Variants in CCSER1 observed in about 807,000 individuals in gnomAD.
CCSER1 encodes the protein coiled-coil serine rich protein 1, also known as serine-rich coiled-coil domain-containing protein 1.
Under a neutral mutation model 82.0 loss-of-function variants are expected in CCSER1, and 41 were observed. The observed-to-expected ratio is 0.50, with a 90% CI of 0.39 to 0.65. The LOEUF (loss-of-function observed/expected upper bound fraction) is 0.65. Ranked by LOEUF, CCSER1 falls within the 30% of genes least tolerant of loss-of-function variation. The pLI is 0.00. For synonymous variants in CCSER1, 414 were observed against 383.9 expected (o/e 1.08, Z -0.92); for missense variants, 1,119 against 1,064.2 (o/e 1.05, Z -0.72).
At chr4:91,495,030 T>C (rs914770291) in intron 10 of CCSER1, among the ~76,000 whole-genome samples, 3 of 151,718 alleles carry the variant, frequency 2.0e-5, no homozygotes, top group African/African-American at 7.2e-5. Flanking sequence ...GTTTCAGTTT[T>C]CTCTCTAGCA....
chr4:91,303,411 G>T (rs1744814761), intron 10 of CCSER1, among the ~76,000 whole-genome samples: 1 of 151,880 alleles, frequency 6.6e-6, no homozygotes, highest in Non-Finnish European at 1.5e-5. Flanking sequence ...CTGGAACATA[G>T]GCAAAAAGTA....
At chr4:90,705,194 C>T (rs576392517) in intron 6 of CCSER1, among the ~76,000 whole-genome samples, 1 of 152,198 alleles carries the variant, frequency 6.6e-6, no homozygotes, top group African/African-American at 2.4e-5. Context: ...TTCTAACAGT[C>T]AGGACCCTCA....
chr4:90,819,427 G>A lies in CCSER1; in HGVS notation c.2094+3582G>A, dbSNP rs553910304. ...TAGCAAGTTCAGTTGTGGAAAATTA[G>A]AGAGTTCTACTATATATTTTTTTCC... On this transcript the variant is annotated intron_variant, in intron 8 of 10. Coordinates refer to ENST00000509176, the MANE Select transcript of CCSER1 (RefSeq NM_001145065.2). Among the ~76,000 whole-genome samples the A allele has an allele frequency of 2.9e-4, 44 of 152,248 alleles. No homozygotes were observed. The South Asian group carries it at 8.7e-3, about 30-fold the overall frequency.
intron 1 of CCSER1, among the ~76,000 whole-genome samples, chr4:90,299,219 C>G (rs1732617914): frequency 6.6e-6 from 1 of 151,936 alleles, no homozygotes; most frequent in South Asian, 2.1e-4. Context: ...TACTTGCACA[C>G]CACTCACCCT....
intron 6 of CCSER1, among the ~76,000 whole-genome samples, chr4:90,714,518 G>A (rs972966850): frequency 1.3e-5 from 2 of 151,942 alleles, no homozygotes; most frequent in Admixed American, 1.3e-4. Context: ...AACATAAAGA[G>A]GCCTTGCCAC....
At chr4:91,270,411 A>G (rs930241087) in intron 10 of CCSER1, among the ~76,000 whole-genome samples, 1 of 152,018 alleles carries the variant, frequency 6.6e-6, no homozygotes, top group South Asian at 2.1e-4. Flanking sequence ...CTTCCAGAGG[A>G]GTAGGAAGGT....
rs1744251440 is a variant in CCSER1, at chr4:90,230,480, A to G, written c.-41-77764A>G. ...GGGATGCATTCAAAGCAGTGTGTAGAGGGAAATTTATAGCACTAAATGCCC... is the reference window on the plus strand; with the variant it reads ...GGGATGCATTCAAAGCAGTGTGTAGGGGGAAATTTATAGCACTAAATGCCC... On this transcript the variant is annotated intron_variant, in intron 1 of 10. Coordinates refer to ENST00000509176, the MANE Select transcript of CCSER1 (RefSeq NM_001145065.2). Among the ~76,000 whole-genome samples the G allele has an allele frequency of 1.3e-4, 19 of 151,922 alleles. No homozygotes were observed. In the South Asian group the frequency reaches 4.0e-3, roughly 32 times the overall value.
Position 91,174,822 on chromosome 4 carries a change from C to CT in CCSER1, c.2217+88841dup, listed in dbSNP as rs61059675. Among the ~76,000 whole-genome samples, 288 of 146,576 alleles carry CT rather than the reference C, an allele frequency of 2.0e-3. 2 individuals carry two copies. The highest frequency in any genetic ancestry group is 5.0e-3 in the East Asian group (25 of 5,012). ...TGCTAGTTTTCTTTGTTTTTCTTTT[C>CT]TTTTTTTTTTTTTATTATACTTTAA... On this transcript the variant is annotated intron_variant, in intron 10 of 10. Coordinates refer to ENST00000509176, the MANE Select transcript of CCSER1 (RefSeq NM_001145065.2).
intron 3 of CCSER1, among the ~76,000 whole-genome samples, chr4:90,378,421 A>G (rs1037035359): frequency 6.6e-6 from 1 of 152,210 alleles, no homozygotes; most frequent in African/African-American, 2.4e-5. Context: ...GCTAGGTTGC[A>G]GAGTCAAAAT....
At chr4:91,365,150 A>T (rs1749523015) in intron 10 of CCSER1, among the ~76,000 whole-genome samples, 1 of 152,296 alleles carries the variant, frequency 6.6e-6, no homozygotes, top group Admixed American at 6.5e-5. Context: ...TCTGTTATTT[A>T]TGAGAGGCTT....
intron 10 of CCSER1, among the ~76,000 whole-genome samples, chr4:91,529,269 ATG>A (rs1376370166): frequency 6.6e-6 from 1 of 151,968 alleles, no homozygotes; most frequent in African/African-American, 2.4e-5. Context: ...GCATTTATTT[ATG>A]TGTGTATTTT....
intron 5 of CCSER1, among the ~76,000 whole-genome samples, chr4:90,612,469 G>T (rs934740828): frequency 2.0e-5 from 3 of 152,108 alleles, no homozygotes; most frequent in Non-Finnish European, 4.4e-5. Flanking sequence ...CCAATGAAAA[G>T]AAACTTAGGC....
intron 4 of CCSER1, among the ~76,000 whole-genome samples, chr4:90,402,044 G>A (rs1024675930): frequency 2.6e-5 from 4 of 152,118 alleles, no homozygotes; most frequent in Admixed American, 6.5e-5. Context: ...CGTCCCAGAA[G>A]AAATAATCCA....
chr4:90,456,145 A>G (rs994735513), intron 4 of CCSER1, among the ~76,000 whole-genome samples: 1 of 152,182 alleles, frequency 6.6e-6, no homozygotes, highest in African/African-American at 2.4e-5. Context: ...GATGCTTCCC[A>G]AAAGAATGAT....
At chr4:90,180,214 A>G (rs1326028297) in intron 1 of CCSER1, among the ~76,000 whole-genome samples, 2 of 151,746 alleles carry the variant, frequency 1.3e-5, no homozygotes, top group African/African-American at 2.4e-5. Flanking sequence ...ATTTTTTAAG[A>G]CTTCTAACTG....
intron 10 of CCSER1, among the ~76,000 whole-genome samples, chr4:91,274,131 TA>T (rs902306471): frequency 6.6e-6 from 1 of 152,182 alleles, no homozygotes; most frequent in African/African-American, 2.4e-5. Flanking sequence ...GGCATCTTAT[TA>T]AAAAATAAAT....
chr4:91,045,434 A>C (rs1742364801), intron 9 of CCSER1, among the ~76,000 whole-genome samples: 1 of 152,070 alleles, frequency 6.6e-6, no homozygotes, highest in East Asian at 1.9e-4. Flanking sequence ...TTCTGTTTTT[A>C]CAATAGAGAT....
intron 8 of CCSER1, among the ~76,000 whole-genome samples, chr4:90,906,801 A>G (rs1725543421): frequency 1.3e-5 from 2 of 152,026 alleles, no homozygotes; most frequent in Admixed American, 1.3e-4. Flanking sequence ...TTTTAATGAG[A>G]ATAATTTTCA....
Position 91,276,459 on chromosome 4 carries a change from A to G in CCSER1, c.2217+190465A>G, listed in dbSNP as rs552227325. Among the ~76,000 whole-genome samples, 20 of 152,052 alleles carry G rather than the reference A, an allele frequency of 1.3e-4. No individual in the cohort carries two copies. In the South Asian group the frequency reaches 3.7e-3, roughly 28 times the overall value. On this transcript the variant is annotated intron_variant, in intron 10 of 10. Transcript: ENST00000509176. Reference sequence around the variant, plus strand: ...CTTTTTCAACCAGTTTATGATTAGTATATAACACTACTGATTTTTGTATGT... The same window carrying G: ...CTTTTTCAACCAGTTTATGATTAGTGTATAACACTACTGATTTTTGTATGT...
Sources: allele counts gnomAD v4.1 joint callset (sites outside exome capture counted in the v4.1 genomes callset), GRCh38; gene constraint gnomAD v4.1.1; transcripts MANE v1.5; gene names NCBI Gene and HGNC (gene_info 2026-07-23, HGNC 2026-07-21).